Variants in DEUP1 observed in about 807,000 individuals in gnomAD.
DEUP1 encodes the protein coiled-coil domain containing 67.
In DEUP1, 82 loss-of-function variants were observed where a neutral mutation model predicts 87.4. The ratio of observed to expected loss-of-function variants is 0.94; its 90% CI spans 0.78 to 1.13. DEUP1 has a LOEUF of 1.13. Among genes scored for constraint, DEUP1 ranks in the 50% most tolerant of loss-of-function variants. The probability of loss-of-function intolerance (pLI) is 0.00; values close to 1 mark genes in which losing one functional copy is unlikely to be tolerated. For synonymous variants in DEUP1, 214 were observed against 222.7 expected (o/e 0.96, Z 0.35); for missense variants, 663 against 681.5 (o/e 0.97, Z 0.30).
At chr11:93,385,818 G>A (rs542515184) in intron 8 of DEUP1, among the ~76,000 whole-genome samples, 77 of 152,180 alleles carry the variant, frequency 5.1e-4, no homozygotes, top group African/African-American at 1.7e-3. Flanking sequence ...TTGGAAGGCC[G>A]AGGTGGGAGG....
At chr11:93,415,887 C>A (rs1487685456) in intron 13 of DEUP1, among the ~76,000 whole-genome samples, 5 of 151,978 alleles carry the variant, frequency 3.3e-5, no homozygotes, top group Non-Finnish European at 5.9e-5. Context: ...TTCATTCATT[C>A]ATTCTACTAT....
chr11:93,367,073 T>C (rs1438788575), intron 5 of DEUP1, among the ~76,000 whole-genome samples: 1 of 152,188 alleles, frequency 6.6e-6, no homozygotes, highest in East Asian at 1.9e-4. Context: ...TAACTTTAAA[T>C]GGACTATCTC....
At chr11:93,379,980 T>A (rs1000962321) in intron 7 of DEUP1, among the ~76,000 whole-genome samples, 1 of 152,246 alleles carries the variant, frequency 6.6e-6, no homozygotes, top group African/African-American at 2.4e-5. Flanking sequence ...TGCCTAATTT[T>A]TATGACTTTC....
chr11:93,404,153 T>A (rs928053253), intron 11 of DEUP1, among the ~76,000 whole-genome samples: 1 of 151,994 alleles, frequency 6.6e-6, no homozygotes, highest in Non-Finnish European at 1.5e-5. Flanking sequence ...AGCTCCCATT[T>A]GGGGAATGTA....
At chr11:93,331,862 T>G (rs1943504751) in intron 1 of DEUP1, among the ~76,000 whole-genome samples, 4 of 152,018 alleles carry the variant, frequency 2.6e-5, no homozygotes, top group Non-Finnish European at 4.4e-5. Context: ...CTGATCAACA[T>G]GCGAAACCCC....
intron 13 of DEUP1, among the ~76,000 whole-genome samples, chr11:93,419,829 A>C (rs1947807991): frequency 6.6e-6 from 1 of 151,656 alleles, no homozygotes; most frequent in Admixed American, 6.6e-5. Context: ...AAAAAATAAA[A>C]ATAAACAAAA....
intron 2 of DEUP1, among the ~76,000 whole-genome samples, chr11:93,341,059 T>G (rs957093681): frequency 6.6e-6 from 1 of 152,180 alleles, no homozygotes; most frequent in African/African-American, 2.4e-5. Flanking sequence ...ATTCTTATTT[T>G]GGGTTCCTAG....
intron 2 of DEUP1, chr11:93,352,207 C>T: frequency 1.7e-6 from 1 of 576,754 alleles, no homozygotes; most frequent in Non-Finnish European, 3.1e-6. Flanking sequence ...TGTCCTCCTC[C>T]CAGCCACACA....
intron 12 of DEUP1, among the ~76,000 whole-genome samples, chr11:93,413,730 A>C (rs1947517757): frequency 6.6e-6 from 1 of 152,126 alleles, no homozygotes; most frequent in South Asian, 2.1e-4. Flanking sequence ...TTTCAGTCTC[A>C]TTTTCTAACC....
At chr11:93,342,053 A>C (rs1380554893) in intron 2 of DEUP1, among the ~76,000 whole-genome samples, 1 of 152,092 alleles carries the variant, frequency 6.6e-6, no homozygotes, top group African/African-American at 2.4e-5. Flanking sequence ...CCATCTCAAG[A>C]TTCTTAACTT....
chr11:93,360,603 G>T (rs1945124758), intron 4 of DEUP1, among the ~76,000 whole-genome samples: 1 of 151,858 alleles, frequency 6.6e-6, no homozygotes, highest in Admixed American at 6.6e-5. Flanking sequence ...ATAATATAAA[G>T]AACCAATTAG....
chr11:93,396,135 C>T (rs1946938708), intron 10 of DEUP1, 104 bp from the exon 11 acceptor site: 1 of 720,668 alleles, frequency 1.4e-6, no homozygotes, highest in African/African-American at 1.8e-5. Flanking sequence ...AAGTGTTTCC[C>T]TTCATTACAC....
Position 93,437,694 on chromosome 11 carries a change from A to T in DEUP1, c.1790A>T (p.Lys597Met). ...HTEFTLNKYS[K>M]LKQNRHI Reference sequence around the variant, plus strand: ...GAATTTACTCTTAATAAATACTCCAAGCTAAAACAAAATAGACACATATGA... The same window carrying T: ...GAATTTACTCTTAATAAATACTCCATGCTAAAACAAAATAGACACATATGA... The change falls in exon 14 of 14, where the codon AAG (lysine) becomes ATG (methionine). Residue 597 changes from lysine (K) to methionine (M), a missense_variant. Transcript: ENST00000298050. The T allele has an allele frequency of 6.2e-7, 1 of 1,603,438 alleles. No individual in the cohort carries two copies. Among genetic ancestry groups the T allele is most frequent in the Non-Finnish European group, 8.5e-7 (1 of 1,171,198 alleles).
chr11:93,389,272 G>A (rs778597762), intron 9 of DEUP1, 147 bp downstream of exon 9: 12 of 616,518 alleles, frequency 1.9e-5, no homozygotes, highest in Middle Eastern at 4.3e-4. Flanking sequence ...TGCTAATTCC[G>A]ACATTTTTCT....
chr11:93,386,258 AT>A (rs921209378), intron 8 of DEUP1, among the ~76,000 whole-genome samples: 6 of 151,614 alleles, frequency 4.0e-5, no homozygotes, highest in East Asian at 1.9e-4. Flanking sequence ...CTTAAAACAG[AT>A]TTTTTTTTCT....
intron 5 of DEUP1, among the ~76,000 whole-genome samples, chr11:93,367,615 T>C (rs1441948253): frequency 6.6e-6 from 1 of 152,246 alleles, no homozygotes; most frequent in Non-Finnish European, 1.5e-5. Context: ...TGATTTTTTC[T>C]TTCAAAAATT....
chr11:93,397,048 A>G (rs1207040487), intron 11 of DEUP1, among the ~76,000 whole-genome samples: 2 of 152,126 alleles, frequency 1.3e-5, no homozygotes, highest in East Asian at 1.9e-4. Flanking sequence ...TTTATCATTT[A>G]TTTGCTCTGA....
intron 2 of DEUP1, among the ~76,000 whole-genome samples, chr11:93,352,071 T>C (rs1232547280): frequency 1.3e-5 from 2 of 152,198 alleles, no homozygotes; most frequent in African/African-American, 4.8e-5. Flanking sequence ...ATTAGCTGTG[T>C]GATCTTGGGC....
chr11:93,332,515 T>G (rs1943541639), intron 2 of DEUP1, among the ~76,000 whole-genome samples: 1 of 152,244 alleles, frequency 6.6e-6, no homozygotes, highest in African/African-American at 2.4e-5. Flanking sequence ...TTTCCAACTT[T>G]TAGTGACTGT....
Sources: gnomAD v4.1 joint callset for allele counts (sites outside exome capture counted in the v4.1 genomes callset) on GRCh38, gnomAD v4.1.1 for gene constraint, MANE v1.5 for transcripts, NCBI Gene and HGNC (gene_info 2026-07-23, HGNC 2026-07-21) for gene names.